ARHGAP40: variants seen among roughly 807,000 people sequenced by gnomAD.
ARHGAP40 encodes rho GTPase-activating protein 40.
Under a neutral mutation model 73.5 loss-of-function variants are expected in ARHGAP40, and 43 were observed. That is an observed-to-expected ratio of 0.58 (90% CI 0.46 to 0.75). The LOEUF is 0.75. ARHGAP40 is among the 30% of genes least tolerant of loss of function. The pLI, the probability that ARHGAP40 is intolerant of heterozygous loss-of-function variation, is 0.00. For synonymous variants in ARHGAP40, 300 were observed against 352.8 expected, an observed-to-expected ratio of 0.85 and a Z score of 1.68; for missense variants, 734 against 861.8, an observed-to-expected ratio of 0.85 and a Z score of 1.86.
chr20:38,602,415 T>C (rs2088740727), intron 1 of ARHGAP40, among the ~76,000 whole-genome samples: 1 of 148,154 alleles, frequency 6.7e-6, no homozygotes, highest in Non-Finnish European at 1.5e-5. Context: ...TGTAGAGTCT[T>C]AGGGGGCCCA....
chr20:38,637,921 G>A (rs1309088964), intron 7 of ARHGAP40, 122 bp downstream of exon 7: 2 of 717,968 alleles, frequency 2.8e-6, no homozygotes, highest in Non-Finnish European at 3.8e-6. Flanking sequence ...GGCAGACTTG[G>A]GTTCAAATTC....
exon 15 of ARHGAP40, chr20:38,649,878 GCCT>G: frequency 7.8e-7 from 1 of 1,278,218 alleles, no homozygotes; most frequent in South Asian, 1.2e-5. Flanking sequence ...CAGCCTGGAT[GCCT>G]CCTCCTCTCC....
At chr20:38,649,888 C>T in exon 15 of ARHGAP40, 1 of 1,252,586 alleles carries the variant, frequency 8.0e-7, no homozygotes, top group Non-Finnish European at 1.1e-6. Flanking sequence ...GCCTCCTCCT[C>T]TCCCCTGCTG....
intron 1 of ARHGAP40, among the ~76,000 whole-genome samples, chr20:38,616,528 A>C (rs1267523140): frequency 6.6e-6 from 1 of 152,180 alleles, no homozygotes; most frequent in African/African-American, 2.4e-5. Context: ...TTGAGGAAAG[A>C]CCGTTGTACA....
In ARHGAP40 at chr20:38,639,303, C is replaced by G. The variant is rs114664499; in HGVS notation, c.1196C>G (p.Ser399Cys). 7.1e-4 allele frequency: 927 copies of G among 1,305,506 alleles called. 10 individuals carry two copies. The African/African-American group carries it at 0.013, about 18-fold the overall frequency. The allele number at this position is 1,305,506 out of a possible 1,614,324, so 80.9% of individuals were successfully genotyped here. A position where few individuals can be genotyped will look rare whatever the true frequency, so the allele number is the denominator to read the frequency against. The change falls in exon 9 of 15, where the codon TCT becomes TGT. Residue 399 changes from serine (S) to cysteine (C), a missense_variant. Coordinates refer to ENST00000373345, the Ensembl canonical transcript of ARHGAP40. ...GACGAGGTTCATCACAATGACGCCTCTGATTTGCTCAAAAGGTTCATCCGG... is the reference window on the plus strand; with the variant it reads ...GACGAGGTTCATCACAATGACGCCTGTGATTTGCTCAAAAGGTTCATCCGG...
At chr20:38,631,947 ATATT>A (rs958765600) in intron 5 of ARHGAP40, among the ~76,000 whole-genome samples, 13 of 152,084 alleles carry the variant, frequency 8.5e-5, no homozygotes, top group Admixed American at 5.9e-4. Flanking sequence ...AATAACATTT[ATATT>A]TATTTATTTA....
intron 4 of ARHGAP40, 87 bp from the exon 5 acceptor site, chr20:38,629,415 T>C: frequency 8.0e-7 from 1 of 1,254,662 alleles, no homozygotes; most frequent in Non-Finnish European, 1.0e-6. Flanking sequence ...TTCTTAGGAC[T>C]AAGGGCCTAA....
Position 38,623,387 on chromosome 20 carries a change from C to T in ARHGAP40, c.166C>T (p.Gln56Ter), listed in dbSNP as rs753118076. The stretch of plus-strand genomic sequence containing the variant: ...TGGCCCCTCCTCAGGCCGAATGGAT[C>T]AGCTTCCCCAGAAGAATCTCCTGCG... Residue 56 changes from glutamine (Q) to a stop codon, truncating the protein, a stop_gained, in exon 2 of 15, where the codon CAG becomes TAG. Transcript: ENST00000373345. LOFTEE classifies it high-confidence loss of function. The T allele has an allele frequency of 2.3e-6, 3 of 1,290,584 alleles. No individual in the cohort carries two copies. The highest frequency in any genetic ancestry group is 3.0e-5 in the African/African-American group (2 of 65,852). The allele number at this position is 1,290,584 out of a possible 1,614,324, so 79.9% of individuals were successfully genotyped here.
At chr20:38,618,239 C>G (rs1025627868) in intron 1 of ARHGAP40, among the ~76,000 whole-genome samples, 3 of 151,794 alleles carry the variant, frequency 2.0e-5, no homozygotes, top group African/African-American at 7.3e-5. Context: ...AGCTGGGATT[C>G]CAGGCGCCCG....
chr20:38,607,418 C>T (rs576969352), intron 1 of ARHGAP40, among the ~76,000 whole-genome samples: 1 of 152,280 alleles, frequency 6.6e-6, no homozygotes, highest in Admixed American at 6.5e-5. Context: ...GGGCTTCTGA[C>T]CAGCTTTGCA....
At chr20:38,640,992 A>G (rs1601149394) in intron 9 of ARHGAP40, among the ~76,000 whole-genome samples, 1 of 150,070 alleles carries the variant, frequency 6.7e-6, no homozygotes, top group East Asian at 2.0e-4. Flanking sequence ...CTCCTTTACT[A>G]TTGTGTCCAA....
chr20:38,650,336 C>T (rs1296313319), exon 15 of ARHGAP40: 5 of 471,048 alleles, frequency 1.1e-5, no homozygotes, highest in South Asian at 4.6e-5. Flanking sequence ...GGTCTTTTCC[C>T]CCCAGGCAAA....
In ARHGAP40 at chr20:38,613,967, T is replaced by C. The variant is rs778952383; in HGVS notation, c.138-9392T>C. ...TGGGAAAGTTGTAGCCATAGAGGGA[T>C]TTTAGGAGCTCAGTTAAGATGATAC... On this transcript the variant is annotated intron_variant, in intron 1 of 14. Transcript: ENST00000373345. 5.3e-5 allele frequency among the ~76,000 whole-genome samples: 8 copies of C among 152,240 alleles called. No individual in the cohort carries two copies. In the South Asian group the frequency reaches 6.2e-4, roughly 12 times the overall value.
chr20:38,646,220 G>A lies in ARHGAP40; in HGVS notation c.1710+33G>A. ...CCCCCGACCCCAGACAGGTGGAGAA[G>A]GGCCGAGGCGACAGGAGGGCACCTG... On this transcript the variant is annotated intron_variant, in intron 12 of 14. Transcript: ENST00000373345. This position sits in a 1 kb window ranked among gnomAD's most constrained non-coding sequence, Gnocchi z 4.5. 1 of 1,269,438 alleles carries A rather than the reference G, an allele frequency of 7.9e-7. No individual in the cohort carries two copies. The allele number at this position is 1,269,438 out of a possible 1,614,324, so 78.6% of individuals were successfully genotyped here.
At chr20:38,610,889 T>C (rs2088800524) in intron 1 of ARHGAP40, among the ~76,000 whole-genome samples, 1 of 150,294 alleles carries the variant, frequency 6.7e-6, no homozygotes, top group African/African-American at 2.4e-5. Flanking sequence ...TTTTCTTTTT[T>C]TTTTTCTTTT....
At chr20:38,630,408 T>A (rs2088931714) in intron 5 of ARHGAP40, among the ~76,000 whole-genome samples, 1 of 151,750 alleles carries the variant, frequency 6.6e-6, no homozygotes, top group Non-Finnish European at 1.5e-5. Context: ...TTTTTTAGAG[T>A]TAGGTTCTTC....
rs2088761540 is a variant in ARHGAP40 at position 38,604,820 on chromosome 20, G to A, written c.137+2741G>A. Among the ~76,000 whole-genome samples, 4 of 151,572 alleles carry A rather than the reference G, an allele frequency of 2.6e-5. No homozygotes were observed. The South Asian group carries it at 8.3e-4, about 31-fold the overall frequency. ...CACTCAGGTATCCCAAATGTTTTTTGTCAACTAAAATTATCTTGATTGTAT... is the reference window on the plus strand; with the variant it reads ...CACTCAGGTATCCCAAATGTTTTTTATCAACTAAAATTATCTTGATTGTAT... On this transcript the variant is annotated intron_variant, in intron 1 of 14. Coordinates refer to ENST00000373345, the Ensembl canonical transcript of ARHGAP40.
chr20:38,650,548 C>A, exon 15 of ARHGAP40: 1 of 465,826 alleles, frequency 2.1e-6, no homozygotes, highest in South Asian at 1.6e-5. Flanking sequence ...TGCTTCACAG[C>A]TCTCATGCTT....
intron 3 of ARHGAP40, 127 bp downstream of exon 3, chr20:38,627,342 G>GGGTGTTGGTATGTGTGTT: frequency 1.3e-6 from 1 of 780,166 alleles, no homozygotes; most frequent in East Asian, 6.5e-5. Context: ...GTTGGTGTGT[G>GGGTGTTGGTATGTGTGTT]GGTGTTGGTA....
Sources: allele counts gnomAD v4.1 joint callset (sites outside exome capture counted in the v4.1 genomes callset), GRCh38; gene constraint gnomAD v4.1.1; non-coding constraint Gnocchi (gnomAD v3.1); transcripts MANE v1.5; gene names NCBI Gene and HGNC (gene_info 2026-07-23, HGNC 2026-07-21).